The following ZNF385D variants were observed in gnomAD, a reference collection of about 807,000 sequenced individuals.
The protein encoded by ZNF385D is zinc finger protein 659.
A neutral mutation model predicts 35.8 loss-of-function variants in ZNF385D; 15 were observed. The observed-to-expected ratio is 0.42, with a 90% CI of 0.28 to 0.64. The LOEUF (loss-of-function observed/expected upper bound fraction) is 0.64. Ranked by LOEUF, ZNF385D falls within the 30% of genes least tolerant of loss-of-function variation. ZNF385D has a pLI of 0.23. For synonymous variants in ZNF385D, 212 were observed against 186.8 expected (o/e 1.13, Z -1.10); for missense variants, 474 against 494.6 (o/e 0.96, Z 0.39).
intron 3 of ZNF385D, among the ~76,000 whole-genome samples, chr3:22,135,151 C>A (rs1553614694): frequency 1.3e-5 from 2 of 152,002 alleles, no homozygotes; most frequent in Admixed American, 6.6e-5. Context: ...TATAAAGAAG[C>A]AAGAAAAGAA....
intron 4 of ZNF385D, among the ~76,000 whole-genome samples, chr3:21,499,458 A>G (rs955926620): frequency 4.6e-5 from 7 of 152,098 alleles, no homozygotes; most frequent in Admixed American, 2.0e-4. Flanking sequence ...GAAAGGAACA[A>G]CAGACACCAG....
chr3:22,224,491 C>T (rs1334975760), intron 2 of ZNF385D, among the ~76,000 whole-genome samples: 2 of 152,036 alleles, frequency 1.3e-5, no homozygotes, highest in Admixed American at 1.3e-4. Flanking sequence ...CTGCTCAGCC[C>T]CTGAAGGCAT....
At chr3:21,630,397 G>T (rs909545893) in intron 2 of ZNF385D, among the ~76,000 whole-genome samples, 4 of 151,906 alleles carry the variant, frequency 2.6e-5, no homozygotes, top group African/African-American at 7.2e-5. Flanking sequence ...TAGAGACGGG[G>T]TTTCTCCATG....
chr3:21,459,462 AAG>A (rs1703031886), intron 4 of ZNF385D: 1 of 152,132 alleles, frequency 6.6e-6, no homozygotes, highest in Admixed American at 6.6e-5. Flanking sequence ...GTTTCAAGGA[AAG>A]AGGAGAAGAG....
At chr3:21,783,855 T>C (rs748878596) in intron 3 of ZNF385D, among the ~76,000 whole-genome samples, 48 of 152,134 alleles carry the variant, frequency 3.2e-4, no homozygotes, top group African/African-American at 8.0e-4. Context: ...GCTCACAATA[T>C]AGCGAGGGAA....
chr3:21,545,645 G>GA lies in ZNF385D; in HGVS notation c.276+18928dup, dbSNP rs573807305. On this transcript the variant is annotated intron_variant, in intron 3 of 7. Transcript: ENST00000281523. ...TTTCTTTTGCATTAGAACACAATTGGAAAAAAACTGTTATTTTATCAAGAC... is the reference window on the plus strand; with the variant it reads ...TTTCTTTTGCATTAGAACACAATTGGAAAAAAAACTGTTATTTTATCAAGAC... Among the ~76,000 whole-genome samples the GA allele has an allele frequency of 4.4e-3, 672 of 152,160 alleles. 7 individuals are homozygous for GA. Among genetic ancestry groups the GA allele is most frequent in the South Asian group, 0.041 (196 of 4,806 alleles).
At chr3:22,008,976 T>TA (rs149965901) in intron 3 of ZNF385D, among the ~76,000 whole-genome samples, 13,124 of 151,902 alleles carry the variant, frequency 0.086, 738 homozygotes, top group Middle Eastern at 0.14. Flanking sequence ...GGAAGAAAAT[T>TA]ATAAAACAAA....
chr3:22,126,317 T>G (rs942189431), intron 3 of ZNF385D, among the ~76,000 whole-genome samples: 17 of 150,848 alleles, frequency 1.1e-4, no homozygotes, highest in Admixed American at 2.6e-4. Context: ...GTTGTTTTTT[T>G]TTTTTTTTTT....
intron 1 of ZNF385D, among the ~76,000 whole-genome samples, chr3:21,676,327 C>T (rs1310772267): frequency 6.6e-6 from 1 of 152,092 alleles, no homozygotes. Context: ...CTGACTTGAG[C>T]TCTGTTTAGT....
At chr3:22,348,621 C>G (rs1424520889) in intron 2 of ZNF385D, among the ~76,000 whole-genome samples, 1 of 147,100 alleles carries the variant, frequency 6.8e-6, no homozygotes, top group Non-Finnish European at 1.5e-5. Flanking sequence ...GCCGAGATCA[C>G]GCCATTGCAC....
At chr3:21,550,958 T>C (rs997104466) in intron 3 of ZNF385D, among the ~76,000 whole-genome samples, 5 of 152,202 alleles carry the variant, frequency 3.3e-5, no homozygotes, top group African/African-American at 1.2e-4. Context: ...TCCTGAATCA[T>C]TAAGGACATG....
intron 2 of ZNF385D, among the ~76,000 whole-genome samples, chr3:22,220,064 T>C (rs972202826): frequency 6.6e-6 from 1 of 151,348 alleles, no homozygotes; most frequent in Non-Finnish European, 1.5e-5. Context: ...TTCTTCCTTT[T>C]TTTTTTTTCT....
At chr3:21,558,840 A>G (rs2062835302) in intron 3 of ZNF385D, among the ~76,000 whole-genome samples, 1 of 152,120 alleles carries the variant, frequency 6.6e-6, no homozygotes, top group South Asian at 2.1e-4. Flanking sequence ...TTGGGTGTAT[A>G]TATAATTCGG....
Position 22,154,015 on chromosome 3 carries a change from G to C in ZNF385D, c.325+14802C>G, listed in dbSNP as rs533048149. Among the ~76,000 whole-genome samples, 11 of 152,174 alleles carry C rather than the reference G, an allele frequency of 7.2e-5. No individual in the cohort carries two copies. The South Asian group carries it at 2.1e-3, about 29-fold the overall frequency. On this transcript the variant is annotated intron_variant, in intron 3 of 5. Transcript: ENST00000494108. Reference sequence around the variant, plus strand: ...TTTAGTTTTAGCATCCAGTCCTTTAGCTTACTTTCCATTTCATTTTCTTGT... The same window carrying C: ...TTTAGTTTTAGCATCCAGTCCTTTACCTTACTTTCCATTTCATTTTCTTGT...
chr3:21,845,204 G>A (rs1695928618), intron 3 of ZNF385D, among the ~76,000 whole-genome samples: 1 of 151,846 alleles, frequency 6.6e-6, no homozygotes, highest in African/African-American at 2.4e-5. Flanking sequence ...CAAATTTGCT[G>A]CCTCTTATAG....
rs529480909 is a variant in ZNF385D, at chr3:22,018,982, T to C, written c.325+149835A>G. Among the ~76,000 whole-genome samples the C allele has an allele frequency of 2.0e-5, 3 of 150,906 alleles. No individual in the cohort carries two copies. The East Asian group carries it at 5.9e-4, about 29-fold the overall frequency. ...TCTCTACCCACAAACACCTAAAGCA[T>C]TGCTATATTACTTCTTTACCACTTC... On this transcript the variant is annotated intron_variant, in intron 3 of 5. Transcript: ENST00000494108.
At chr3:21,783,872 G>A (rs1350908180) in intron 3 of ZNF385D, among the ~76,000 whole-genome samples, 1 of 152,170 alleles carries the variant, frequency 6.6e-6, no homozygotes, top group African/African-American at 2.4e-5. Context: ...GGAAAGTCAA[G>A]CGTTTCCTAA....
chr3:21,889,621 A>G (rs1698736053), intron 3 of ZNF385D, among the ~76,000 whole-genome samples: 3 of 152,164 alleles, frequency 2.0e-5, no homozygotes, highest in Admixed American at 2.0e-4. Flanking sequence ...GAAATTCCTC[A>G]GGGAGAAAGG....
chr3:21,872,892 C>T (rs1697766200), intron 3 of ZNF385D, among the ~76,000 whole-genome samples: 1 of 151,986 alleles, frequency 6.6e-6, no homozygotes, highest in Admixed American at 6.6e-5. Flanking sequence ...AAAGAGGTGC[C>T]ACAAAAACAG....
Sources: gnomAD v4.1 joint callset for allele counts (sites outside exome capture counted in the v4.1 genomes callset) on GRCh38, gnomAD v4.1.1 for gene constraint, MANE v1.5 for transcripts, NCBI Gene and HGNC (gene_info 2026-07-23, HGNC 2026-07-21) for gene names.